AGTPBP1: variants seen among roughly 807,000 people sequenced by gnomAD.
The protein encoded by AGTPBP1 is ATP/GTP binding carboxypeptidase 1, also known as cytosolic carboxypeptidase 1.
Under a neutral mutation model 143.9 loss-of-function variants are expected in AGTPBP1, and 70 were observed. The ratio of observed to expected loss-of-function variants is 0.49; its 90% CI spans 0.40 to 0.59. AGTPBP1 has a LOEUF of 0.59. Among genes scored for constraint, AGTPBP1 ranks in the 20% least tolerant of loss-of-function variants. AGTPBP1 has a pLI of 0.00. For synonymous variants in AGTPBP1, 463 were observed against 500.2 expected (o/e 0.93, Z 0.99); for missense variants, 1,229 against 1,464.5 (o/e 0.84, Z 2.62).
intron 2 of AGTPBP1, among the ~76,000 whole-genome samples, chr9:85,706,774 G>T (rs1837034648): frequency 6.6e-6 from 1 of 151,910 alleles, no homozygotes; most frequent in Non-Finnish European, 1.5e-5. Context: ...TACTCGGGAG[G>T]CTGAGGCAGG....
At chr9:85,613,733 A>T (rs1272941515) in intron 17 of AGTPBP1, among the ~76,000 whole-genome samples, 1 of 152,128 alleles carries the variant, frequency 6.6e-6, no homozygotes, top group Non-Finnish European at 1.5e-5. Flanking sequence ...GTGCAAAAAT[A>T]AAAGCCTTTA....
chr9:85,731,425 T>C (rs1054789368), intron 1 of AGTPBP1, among the ~76,000 whole-genome samples: 3 of 152,090 alleles, frequency 2.0e-5, no homozygotes, highest in African/African-American at 7.2e-5. Context: ...GGTTTTTTTT[T>C]TCGGGGAGGG....
chr9:85,789,999 T>C, the AGTPBP1 span, among the ~76,000 whole-genome samples: 1 of 152,190 alleles, frequency 6.6e-6, no homozygotes, highest in Non-Finnish European at 1.5e-5. Context: ...TATTTGAAAG[T>C]TCAGGTAGAA....
chr9:85,739,538 G>A (rs1410668416), intron 1 of AGTPBP1, among the ~76,000 whole-genome samples: 1 of 151,816 alleles, frequency 6.6e-6, no homozygotes, highest in Non-Finnish European at 1.5e-5. Context: ...GTGAAACCCC[G>A]TCTCTACTAA....
intron 8 of AGTPBP1, among the ~76,000 whole-genome samples, chr9:85,665,488 T>C (rs940330146): frequency 4.6e-5 from 7 of 152,214 alleles, no homozygotes; most frequent in African/African-American, 1.7e-4. Flanking sequence ...CACTCAGTAT[T>C]GGACTTTGTT....
At chr9:85,759,281 T>G in the AGTPBP1 span, among the ~76,000 whole-genome samples, 1 of 152,170 alleles carries the variant, frequency 6.6e-6, no homozygotes, top group East Asian at 1.9e-4. Flanking sequence ...CTAATAGACA[T>G]CTACAGAACT....
the AGTPBP1 span, among the ~76,000 whole-genome samples, chr9:85,797,548 G>C: frequency 5.5e-4 from 84 of 152,146 alleles, no homozygotes; most frequent in African/African-American, 1.8e-3. Flanking sequence ...CCCTTCTAGA[G>C]CCTTCCATCC....
intron 11 of AGTPBP1, among the ~76,000 whole-genome samples, chr9:85,648,042 A>T (rs1238728240): frequency 6.6e-6 from 1 of 152,198 alleles, no homozygotes; most frequent in African/African-American, 2.4e-5. Context: ...AAAAAATTCC[A>T]TGTTGTAGCA....
At chr9:85,566,400 T>C (rs1322098256) in intron 25 of AGTPBP1, among the ~76,000 whole-genome samples, 1 of 151,222 alleles carries the variant, frequency 6.6e-6, no homozygotes, top group Non-Finnish European at 1.5e-5. Flanking sequence ...TGTGGTGGTA[T>C]GTGCCTGTAG....
rs1022075669 is a variant in AGTPBP1 at position 85,675,754 on chromosome 9, G to A, written c.436+1682C>T. 4.6e-5 allele frequency among the ~76,000 whole-genome samples: 7 copies of A among 152,118 alleles called. No individual in the cohort carries two copies. In the East Asian group the frequency reaches 5.8e-4, roughly 13 times the overall value. On this transcript the variant is annotated intron_variant, in intron 6 of 25. Coordinates refer to ENST00000357081, the MANE Select transcript of AGTPBP1 (RefSeq NM_001330701.2). ...ATAAAAAACCATTTCGGCTGGGTGCGGTGGCTCACGCCTGTAATCTCAGCA... is the reference window on the plus strand; with the variant it reads ...ATAAAAAACCATTTCGGCTGGGTGCAGTGGCTCACGCCTGTAATCTCAGCA...
At chr9:85,628,026 T>C (rs1458909478) in intron 14 of AGTPBP1, among the ~76,000 whole-genome samples, 1 of 152,234 alleles carries the variant, frequency 6.6e-6, no homozygotes, top group East Asian at 1.9e-4. Context: ...GGGTTAACTA[T>C]ATTTGCAAAG....
chr9:85,575,186 T>G (rs951902950), intron 25 of AGTPBP1, 129 bp downstream of exon 25: 27 of 546,480 alleles, frequency 4.9e-5, no homozygotes, highest in Non-Finnish European at 7.4e-5. Context: ...AAATATTTGA[T>G]GTATTAACTT....
intron 11 of AGTPBP1, among the ~76,000 whole-genome samples, chr9:85,651,901 A>C (rs1833184342): frequency 6.6e-6 from 1 of 152,334 alleles, no homozygotes; most frequent in South Asian, 2.1e-4. Flanking sequence ...AAACAACAAC[A>C]GTCCTATTGT....
chr9:85,659,158 AG>A (rs1833708422), intron 9 of AGTPBP1, among the ~76,000 whole-genome samples: 1 of 152,204 alleles, frequency 6.6e-6, no homozygotes, highest in African/African-American at 2.4e-5. Flanking sequence ...TGCCCCTTAA[AG>A]GAAGTGAACA....
intron 25 of AGTPBP1, among the ~76,000 whole-genome samples, chr9:85,559,292 T>C (rs1826546134): frequency 6.6e-6 from 1 of 152,120 alleles, no homozygotes; most frequent in African/African-American, 2.4e-5. Context: ...CAATTACCAA[T>C]AAATGCCCTG....
the AGTPBP1 span, among the ~76,000 whole-genome samples, chr9:85,803,170 G>T: frequency 6.6e-6 from 1 of 152,176 alleles, no homozygotes; most frequent in Non-Finnish European, 1.5e-5. Flanking sequence ...TGGATCCCTA[G>T]ACTAACCTTG....
intron 13 of AGTPBP1, among the ~76,000 whole-genome samples, chr9:85,641,960 A>C (rs1832503596): frequency 2.0e-5 from 3 of 152,146 alleles, no homozygotes; most frequent in Admixed American, 2.0e-4. Flanking sequence ...CGGCCTCCCA[A>C]AGTGCTGGGC....
intron 14 of AGTPBP1, among the ~76,000 whole-genome samples, chr9:85,631,729 T>C (rs972465378): frequency 6.6e-6 from 1 of 152,252 alleles, no homozygotes; most frequent in Admixed American, 6.5e-5. Context: ...CAGCAAGTTC[T>C]TCCTTGTTTA....
chr9:85,562,430 T>C (rs931721976), intron 25 of AGTPBP1, among the ~76,000 whole-genome samples: 1 of 152,186 alleles, frequency 6.6e-6, no homozygotes, highest in Non-Finnish European at 1.5e-5. Context: ...AAAAGATAGC[T>C]TACGCTTACA....
Sources: allele counts gnomAD v4.1 joint callset (sites outside exome capture counted in the v4.1 genomes callset), GRCh38; gene constraint gnomAD v4.1.1; transcripts MANE v1.5; gene names NCBI Gene and HGNC (gene_info 2026-07-23, HGNC 2026-07-21).